The following SPATS2 variants were observed in gnomAD, a reference collection of about 807,000 sequenced individuals.
SPATS2 encodes spermatogenesis-associated serine-rich protein 2.
In SPATS2, 38 loss-of-function variants were observed where a neutral mutation model predicts 63.7. The observed-to-expected ratio is 0.60, with a 90% CI of 0.46 to 0.78. The LOEUF is 0.78. SPATS2 is among the 30% of genes least tolerant of loss of function. The pLI, the probability that SPATS2 is intolerant of heterozygous loss-of-function variation, is 0.00. For synonymous variants in SPATS2, 207 were observed against 232.9 expected, an observed-to-expected ratio of 0.89 and a Z score of 1.01; for missense variants, 588 against 666.2, an observed-to-expected ratio of 0.88 and a Z score of 1.29.
intron 2 of SPATS2, among the ~76,000 whole-genome samples, chr12:49,421,005 T>C (rs962746893): frequency 6.6e-6 from 1 of 152,054 alleles, no homozygotes; most frequent in Non-Finnish European, 1.5e-5. Flanking sequence ...AGACCCTGAT[T>C]CAAAAGGAAA....
intron 6 of SPATS2, among the ~76,000 whole-genome samples, chr12:49,492,002 T>C (rs1304046537): frequency 1.3e-5 from 2 of 152,178 alleles, no homozygotes. Context: ...TACATCACTT[T>C]TTAGGAGTCC....
At chr12:49,498,043 A>C (rs1946492894) in intron 8 of SPATS2, among the ~76,000 whole-genome samples, 2 of 151,010 alleles carry the variant, frequency 1.3e-5, no homozygotes, top group Non-Finnish European at 2.9e-5. Context: ...ACATGAGCCA[A>C]ATTTTAATTA....
chr12:49,404,933 C>A (rs1365657809), intron 2 of SPATS2, among the ~76,000 whole-genome samples: 2 of 150,742 alleles, frequency 1.3e-5, no homozygotes, highest in African/African-American at 4.9e-5. Flanking sequence ...ATATTAAATT[C>A]AAATATCAGT....
At chr12:49,521,201 T>G (rs1946936265) in intron 11 of SPATS2, among the ~76,000 whole-genome samples, 1 of 152,196 alleles carries the variant, frequency 6.6e-6, no homozygotes. Flanking sequence ...TCTGAACACA[T>G]AAGATTTATT....
Position 49,522,786 on chromosome 12 carries a change from G to C in SPATS2, c.1044G>C (p.Leu348=). The C allele has an allele frequency of 1.2e-6, 2 of 1,613,860 alleles. No individual in the cohort carries two copies. Residue 348 remains leucine, a synonymous_variant, in exon 12 of 14, where the codon CTG becomes CTC. Coordinates refer to ENST00000552918, the MANE Select transcript of SPATS2 (RefSeq NM_023071.4). The stretch of plus-strand genomic sequence containing the variant: ...GTGAACGTAAATATGATGAGGATCT[G>C]GGACGAGTAGCCCGGTTCACCTGTG... ...FVSERKYDED[L]GRVARFTCDV...
intron 11 of SPATS2, among the ~76,000 whole-genome samples, chr12:49,520,046 C>T (rs1398035399): frequency 1.3e-5 from 2 of 151,512 alleles, no homozygotes; most frequent in Non-Finnish European, 2.9e-5. Context: ...ATAGCGCAAT[C>T]TCAGCTCACC....
chr12:49,506,347 G>A (rs899131348), intron 9 of SPATS2, among the ~76,000 whole-genome samples: 4 of 152,128 alleles, frequency 2.6e-5, no homozygotes, highest in South Asian at 2.1e-4. Flanking sequence ...ACACTTCTAC[G>A]TGGCTGGGAA....
intron 2 of SPATS2, among the ~76,000 whole-genome samples, chr12:49,409,401 G>C (rs994040040): frequency 1.3e-5 from 2 of 152,002 alleles, no homozygotes; most frequent in East Asian, 3.9e-4. Context: ...CGCCTCCCGG[G>C]TTCACGCCAT....
At chr12:49,499,468 G>T (rs12299040) in intron 8 of SPATS2, among the ~76,000 whole-genome samples, 2 of 146,092 alleles carry the variant, frequency 1.4e-5, no homozygotes, top group African/African-American at 2.5e-5. Flanking sequence ...GTTTTGTTTT[G>T]TTTTTTTTTT....
chr12:49,401,305 C>T (rs776771728), intron 2 of SPATS2, among the ~76,000 whole-genome samples: 7 of 152,228 alleles, frequency 4.6e-5, no homozygotes, highest in Non-Finnish European at 1.0e-4. Context: ...GCCACTGCAT[C>T]TGGCTCTTTT....
At chr12:49,505,393 G>A (rs1946640018) in intron 9 of SPATS2, among the ~76,000 whole-genome samples, 1 of 152,126 alleles carries the variant, frequency 6.6e-6, no homozygotes. Flanking sequence ...CTAACCATCT[G>A]TGAAAATAAT....
intron 2 of SPATS2, among the ~76,000 whole-genome samples, chr12:49,455,847 C>G (rs1945710273): frequency 6.6e-6 from 1 of 152,190 alleles, no homozygotes. Flanking sequence ...GTCTCAAACT[C>G]CTGGGCTAAA....
chr12:49,427,185 T>C (rs1381233444), intron 2 of SPATS2, among the ~76,000 whole-genome samples: 1 of 151,802 alleles, frequency 6.6e-6, no homozygotes, highest in African/African-American at 2.4e-5. Context: ...TCAAGCAATC[T>C]GCCTGCCTCA....
intron 3 of SPATS2, among the ~76,000 whole-genome samples, chr12:49,483,153 A>T (rs112013217): frequency 1.4e-4 from 21 of 146,084 alleles, no homozygotes; most frequent in Non-Finnish European, 2.4e-4. Context: ...AAAAAAAAAA[A>T]CAGAGCTAGA....
chr12:49,400,176 C>T (rs977183591), intron 2 of SPATS2, among the ~76,000 whole-genome samples: 2 of 151,988 alleles, frequency 1.3e-5, no homozygotes, highest in Admixed American at 6.6e-5. Flanking sequence ...ACATGGTATA[C>T]TAGATGTTGC....
At chr12:49,389,901 G>A in intron 2 of SPATS2, 1 of 814,796 alleles carries the variant, frequency 1.2e-6, no homozygotes, top group East Asian at 2.4e-5. Context: ...GTTAACAAAA[G>A]CAGCACTCCA....
intron 2 of SPATS2, among the ~76,000 whole-genome samples, chr12:49,378,834 A>G (rs772682672): frequency 1.9e-4 from 29 of 151,866 alleles, no homozygotes; most frequent in African/African-American, 6.0e-4. Context: ...AGGCTCAGCT[A>G]TCCTCTGGCC....
intron 3 of SPATS2, among the ~76,000 whole-genome samples, chr12:49,471,203 C>T (rs1265954327): frequency 6.6e-6 from 1 of 152,190 alleles, no homozygotes; most frequent in Non-Finnish European, 1.5e-5. Flanking sequence ...TTCACAGTGT[C>T]TAGCAGAATG....
intron 2 of SPATS2, among the ~76,000 whole-genome samples, chr12:49,404,982 C>CT (rs1944669380): frequency 6.9e-6 from 1 of 144,182 alleles, no homozygotes; most frequent in Non-Finnish European, 1.5e-5. Flanking sequence ...CAACCATGCT[C>CT]ATTTTTTTTT....
Sources: gnomAD v4.1 joint callset for allele counts (sites outside exome capture counted in the v4.1 genomes callset) on GRCh38, gnomAD v4.1.1 for gene constraint, MANE v1.5 for transcripts, NCBI Gene and HGNC (gene_info 2026-07-23, HGNC 2026-07-21) for gene names.